DLEC1: variants seen among roughly 807,000 people sequenced by gnomAD.
The protein encoded by DLEC1 is deleted in lung and esophageal cancer protein 1.
A neutral mutation model predicts 198.1 loss-of-function variants in DLEC1; 146 were observed. The observed-to-expected ratio is 0.74, with a 90% confidence interval of 0.64 to 0.85. The LOEUF (loss-of-function observed/expected upper bound fraction) is 0.85, where lower values mean the gene tolerates loss of function less well. Among genes scored for constraint, DLEC1 ranks in the 40% least tolerant of loss-of-function variants. The pLI, the probability that DLEC1 is intolerant of heterozygous loss-of-function variation, is 0.00. For synonymous variants in DLEC1, 897 were observed against 866.8 expected, an observed-to-expected ratio of 1.03 and a Z score of -0.61; for missense variants, 2,233 against 2,220.0, an observed-to-expected ratio of 1.01 and a Z score of -0.12.
At chr3:38,113,622 T>TA (rs1699998009) in intron 25 of DLEC1, among the ~76,000 whole-genome samples, 1 of 151,958 alleles carries the variant, frequency 6.6e-6, no homozygotes, top group African/African-American at 2.4e-5. Context: ...GCCCAGGAGT[T>TA]AGAGGTTGCA....
chr3:38,108,322 G>A, intron 20 of DLEC1, 83 bp from the exon 21 acceptor site: 4 of 1,130,500 alleles, frequency 3.5e-6, no homozygotes, highest in Non-Finnish European at 5.2e-6. Context: ...AGCATTGCAT[G>A]CAGCAGTGCT....
At chr3:38,095,487 G>C in intron 13 of DLEC1, 1 of 302,788 alleles carries the variant, frequency 3.3e-6, no homozygotes, top group South Asian at 4.8e-5. Flanking sequence ...AAGGGAATTC[G>C]AGCTGGGCAT....
At chr3:38,084,621 T>TGGTGGTGGTAGTAGAGGG (rs1553617798) in intron 7 of DLEC1, among the ~76,000 whole-genome samples, 1 of 126,390 alleles carries the variant, frequency 7.9e-6, no homozygotes, top group Admixed American at 8.2e-5. Context: ...GTAGCAGTAC[T>TGGTGGTGGTAGTAGAGGG]GCTACTACTT....
chr3:38,073,957 C>T (rs917528892), intron 6 of DLEC1, among the ~76,000 whole-genome samples: 2 of 152,144 alleles, frequency 1.3e-5, no homozygotes, highest in African/African-American at 2.4e-5. Context: ...GGGAAGGAGT[C>T]GGTCAGAGAG....
chr3:38,084,419 AGTG>A lies in DLEC1; in HGVS notation c.1261+177_1261+179del, dbSNP rs1381515086. Among the ~76,000 whole-genome samples the A allele has an allele frequency of 8.3e-4, 5 of 5,990 alleles. 1 individual carries two copies. Among genetic ancestry groups the A allele is most frequent in the South Asian group, 6.4e-3 (1 of 156 alleles). The allele number at this position is 5,990 out of a possible 152,430, so 3.9% of individuals were successfully genotyped here. On this transcript the variant is annotated intron_variant, in intron 7 of 36. Coordinates refer to ENST00000308059, the MANE Select transcript of DLEC1 (RefSeq NM_007335.4). The stretch of plus-strand genomic sequence containing the variant: ...TAGTAGTAGTGGTGGTGGTAGTAGT[AGTG>A]GTAGTAGTAGTAGTGGTGGTGGTGG...
intron 9 of DLEC1, 133 bp from the exon 10 acceptor site, chr3:38,088,161 TCA>T: frequency 1.3e-6 from 1 of 744,538 alleles, no homozygotes; most frequent in Admixed American, 2.7e-5. Context: ...CTCAGTTTTT[TCA>T]TTACCATGTG....
At chr3:38,109,925 C>A in intron 22 of DLEC1, 174 bp from the exon 23 acceptor site, 1 of 755,278 alleles carries the variant, frequency 1.3e-6, no homozygotes, top group Non-Finnish European at 2.1e-6. Context: ...CCTCTCTCAG[C>A]ATCATGGGTG....
Position 38,086,363 on chromosome 3 carries a change from C to G in DLEC1, c.1558C>G (p.Pro520Ala). ...FCIMPKTSWPPLSFKAIATVG... is the reference protein window; with the variant it reads ...FCIMPKTSWPALSFKAIATVG... ...CATTATGCCCAAAACAAGCTGGCCACCACTAAGTTTCAAGGTGAGTGATCA... is the reference window on the plus strand; with the variant it reads ...CATTATGCCCAAAACAAGCTGGCCAGCACTAAGTTTCAAGGTGAGTGATCA... Residue 520 changes from proline (P) to alanine (A), a missense_variant, in exon 9 of 37, where the codon CCA (proline) becomes GCA (alanine). By Grantham distance (27) the Pro-to-Ala change is conservative. Coordinates refer to ENST00000308059, the MANE Select transcript of DLEC1 (RefSeq NM_007335.4). 1 of 1,607,856 alleles carries G rather than the reference C, an allele frequency of 6.2e-7. No individual in the cohort carries two copies. The highest frequency in any genetic ancestry group is 1.7e-5 in the Admixed American group (1 of 58,950).
At chr3:38,072,240 C>T (rs908110941) in intron 6 of DLEC1, among the ~76,000 whole-genome samples, 12 of 151,910 alleles carry the variant, frequency 7.9e-5, no homozygotes, top group African/African-American at 2.4e-4. Flanking sequence ...CTGAAGGAGC[C>T]GGGGAGCAGA....
intron 34 of DLEC1, 127 bp from the exon 35 acceptor site, chr3:38,121,485 TGGCGCTGGTCCCCTGC>T: frequency 1.0e-6 from 1 of 984,312 alleles, no homozygotes; most frequent in Non-Finnish European, 1.5e-6. Flanking sequence ...CCTTTTAAGG[TGGCGCTGGTCCCCTGC>T]CAACTTCTGG....
In DLEC1 at chr3:38,096,611, T is replaced by C. The variant is rs1258145091; in HGVS notation, c.2214T>C (p.Asp738=). The change falls in exon 15 of 37, where the codon GAT becomes GAC. Residue 738 remains aspartate, a synonymous_variant. Coordinates refer to ENST00000308059, the MANE Select transcript of DLEC1 (RefSeq NM_007335.4). ...ESLGHSSYSV[D]DVIVLEIEVK... is the part of the protein sequence containing the mutation. The stretch of plus-strand genomic sequence containing the variant: ...TGGGGCACTCCTCCTACTCTGTGGA[T>C]GATGTGATTGTCCTGGAAATCGAGG... 1.2e-6 allele frequency: 2 copies of C among 1,612,374 alleles called. No homozygotes were observed. Among genetic ancestry groups the C allele is most frequent in the African/African-American group, 1.3e-5 (1 of 74,854 alleles).
intron 19 of DLEC1, among the ~76,000 whole-genome samples, chr3:38,101,374 G>C (rs1699297974): frequency 6.6e-6 from 1 of 152,096 alleles, no homozygotes; most frequent in East Asian, 1.9e-4. Flanking sequence ...AGAATCACTT[G>C]AATCCTGGAG....
intron 2 of DLEC1, chr3:38,052,181 TCTC>T: frequency 2.3e-6 from 1 of 435,374 alleles, no homozygotes; most frequent in Non-Finnish European, 4.6e-6. Context: ...AGGTCCTTCT[TCTC>T]AGAAATAATT....
chr3:38,084,455 A>G (rs867113516), intron 7 of DLEC1, among the ~76,000 whole-genome samples: 310 of 1,030 alleles, frequency 0.3, 19 homozygotes, highest in African/African-American at 0.46. Context: ...TGGTGGTGGT[A>G]GTAGTAATAG....
In DLEC1 at chr3:38,112,083, T is replaced by C; in HGVS notation, c.3515-127T>C. Reference sequence around the variant, plus strand: ...TCCAGGCTCCCAGGAGGAGGGCACATGTAGCCTGACCAAGGAGAGGCTGGA... The same window carrying C: ...TCCAGGCTCCCAGGAGGAGGGCACACGTAGCCTGACCAAGGAGAGGCTGGA... On this transcript the variant is annotated intron_variant, in intron 24 of 36. Coordinates refer to ENST00000308059, the MANE Select transcript of DLEC1 (RefSeq NM_007335.4). The surrounding 1 kb of genome is among the most constrained non-coding windows in gnomAD (Gnocchi z 4.8). 2 of 1,453,678 alleles carry C rather than the reference T, an allele frequency of 1.4e-6. No homozygotes were observed. The highest frequency in any genetic ancestry group is 2.3e-5 in the East Asian group (1 of 43,828). 90.0% of individuals were successfully genotyped at this position (1,453,678 alleles called of 1,614,324 possible).
At position 38,108,474 on chromosome 3, in the gene DLEC1, G is replaced by A. The variant is rs1396288279; in HGVS notation, c.3088G>A (p.Glu1030Lys). ...SPKHGLLGPS[E>K]ECQLKLELTA... ...CAAACATGGCCTGCTGGGCCCAAGTGAGGAGTGCCAGCTCAAGTTGGAGTT... is the reference window on the plus strand; with the variant it reads ...CAAACATGGCCTGCTGGGCCCAAGTAAGGAGTGCCAGCTCAAGTTGGAGTT... Residue 1030 changes from glutamate to lysine, a missense_variant, in exon 21 of 37, where the codon GAG (glutamate) becomes AAG (lysine). Glu to Lys is a moderately conservative substitution (Grantham distance 56, BLOSUM62 1). Transcript: ENST00000308059. 4 of 1,614,082 alleles carry A rather than the reference G, an allele frequency of 2.5e-6. No homozygotes were observed. The Admixed American group carries it at 6.7e-5, about 27-fold the overall frequency.
At chr3:38,079,545 A>G (rs955148165) in intron 6 of DLEC1, among the ~76,000 whole-genome samples, 5 of 152,232 alleles carry the variant, frequency 3.3e-5, no homozygotes, top group African/African-American at 9.6e-5. Context: ...GTCTTCAGGC[A>G]CTAAGCCAAG....
chr3:38,105,591 C>T (rs1243444276), intron 19 of DLEC1, among the ~76,000 whole-genome samples: 1 of 152,032 alleles, frequency 6.6e-6, no homozygotes, highest in Non-Finnish European at 1.5e-5. Flanking sequence ...TCCTGGAGCT[C>T]TCTTTTGGGT....
chr3:38,105,978 G>A (rs1699548100), intron 19 of DLEC1, among the ~76,000 whole-genome samples: 1 of 151,994 alleles, frequency 6.6e-6, no homozygotes, highest in East Asian at 1.9e-4. Context: ...GGGCTTTATA[G>A]TATATCTTAA....
Sources: gnomAD v4.1 joint callset for allele counts (sites outside exome capture counted in the v4.1 genomes callset) on GRCh38, gnomAD v4.1.1 for gene constraint, Gnocchi (gnomAD v3.1) non-coding constraint, MANE v1.5 for transcripts, NCBI Gene and HGNC (gene_info 2026-07-23, HGNC 2026-07-21) for gene names.